Variants in MICAL3 observed in about 807,000 individuals in gnomAD.
The protein encoded by MICAL3 is [F-actin]-monooxygenase MICAL3.
A neutral mutation model predicts 207.4 loss-of-function variants in MICAL3; 62 were observed. The observed-to-expected ratio is 0.30, with a 90% CI of 0.24 to 0.37. The LOEUF (loss-of-function observed/expected upper bound fraction) is 0.37, where lower values mean the gene tolerates loss of function less well. Among genes scored for constraint, MICAL3 ranks in the 10% least tolerant of loss-of-function variants. MICAL3 has a pLI of 1.00. For synonymous variants in MICAL3, 1,077 were observed against 1,069.3 expected (o/e 1.01, Z -0.14); for missense variants, 2,368 against 2,635.6 (o/e 0.90, Z 2.22).
intron 1 of MICAL3, among the ~76,000 whole-genome samples, chr22:17,944,108 G>C (rs1325514732): frequency 6.6e-6 from 1 of 150,720 alleles, no homozygotes; most frequent in African/African-American, 2.5e-5. Context: ...TGGTACCTGA[G>C]TGCATGTGTG....
Position 17,984,867 on chromosome 22 carries a change from G to A in MICAL3, c.-75+39414C>T, listed in dbSNP as rs534925810. ...TTAAATAATCCACCCAAAGCCACAC[G>A]AGTAGCAAGTGGTGAAGCCACAACT... On this transcript the variant is annotated intron_variant, in intron 1 of 31. Coordinates refer to ENST00000441493, the MANE Select transcript of MICAL3 (RefSeq NM_015241.3). 3.3e-5 allele frequency among the ~76,000 whole-genome samples: 5 copies of A among 152,280 alleles called. No individual in the cohort carries two copies. The East Asian group carries it at 7.7e-4, about 24-fold the overall frequency.
At chr22:17,885,489 A>G (rs1929788007) in intron 16 of MICAL3, among the ~76,000 whole-genome samples, 1 of 152,240 alleles carries the variant, frequency 6.6e-6, no homozygotes, top group Non-Finnish European at 1.5e-5. Flanking sequence ...AGGGCAGGAA[A>G]ATATTAATTA....
chr22:17,905,200 C>A (rs1166467952), intron 2 of MICAL3, among the ~76,000 whole-genome samples: 1 of 152,180 alleles, frequency 6.6e-6, no homozygotes, highest in Non-Finnish European at 1.5e-5. Flanking sequence ...AGGACCATTT[C>A]GAAGGTTTCT....
chr22:17,998,896 G>T (rs1922618863), intron 1 of MICAL3, among the ~76,000 whole-genome samples: 1 of 152,158 alleles, frequency 6.6e-6, no homozygotes, highest in Admixed American at 6.5e-5. Context: ...TAATATTATG[G>T]AACATAAATA....
At chr22:17,856,777 G>A (rs909531050) in intron 19 of MICAL3, among the ~76,000 whole-genome samples, 6 of 151,658 alleles carry the variant, frequency 4.0e-5, no homozygotes, top group East Asian at 1.9e-4. Context: ...GCCCGCCACC[G>A]CGCCCAGCTA....
rs777722691 is a variant in MICAL3, at chr22:17,791,301, C to A, written c.5651G>T (p.Gly1884Val). The A allele has an allele frequency of 6.2e-7, 1 of 1,612,702 alleles. No homozygotes were observed. The highest frequency in any genetic ancestry group is 2.2e-5 in the East Asian group (1 of 44,814). The change falls in exon 30 of 32, where the codon GGC becomes GTC. Residue 1884 changes from glycine to valine, a missense_variant and splice_region_variant. Coordinates refer to ENST00000441493, the MANE Select transcript of MICAL3 (RefSeq NM_015241.3). ...AVEKALRGEA[G>V]MGKKDDPKLM... is the part of the protein sequence containing the mutation. ...CTTGGGGTCGTCCTTCTTGCCCATG[C>A]CTGCCGAGAGAACGCTTGTGTCGGG...
intron 20 of MICAL3, chr22:17,834,511 T>C: frequency 8.1e-7 from 1 of 1,229,080 alleles, no homozygotes; most frequent in Non-Finnish European, 1.0e-6. Context: ...AGCCCAGGAG[T>C]TTGAGACCAT....
intron 3 of MICAL3, among the ~76,000 whole-genome samples, chr22:17,904,337 T>A (rs1178660313): frequency 6.6e-6 from 1 of 152,192 alleles, no homozygotes; most frequent in Non-Finnish European, 1.5e-5. Context: ...CCAGTGCCCA[T>A]CCCACAAACT....
chr22:17,822,089 T>C lies in MICAL3; in HGVS notation c.3389A>G (p.Glu1130Gly). The part of the protein sequence containing the change: ...PCPAEGEAEL[E>G]LRVSEDEEKL... ...CTCCTCATCTTCCGACACCCTCAGC[T>C]CCAGCTCTGCTTCCCCCTCAGCTGG... The change falls in exon 24 of 32, where the codon GAG becomes GGG. Residue 1130 changes from glutamate (E) to glycine (G), a missense_variant. Coordinates refer to ENST00000441493, the MANE Select transcript of MICAL3 (RefSeq NM_015241.3). 6.2e-7 allele frequency: 1 copy of C among 1,613,932 alleles called. No individual in the cohort carries two copies.
chr22:17,844,991 C>A (rs1176667749), intron 19 of MICAL3, among the ~76,000 whole-genome samples: 1 of 152,134 alleles, frequency 6.6e-6, no homozygotes, highest in African/African-American at 2.4e-5. Flanking sequence ...AAATCCATGG[C>A]GGCCACCCCA....
chr22:17,790,732 T>A lies in MICAL3; in HGVS notation c.6009A>T (p.Ter2003CysextTer27). 1 of 1,593,776 alleles carries A rather than the reference T, an allele frequency of 6.3e-7. No individual in the cohort carries two copies. Among genetic ancestry groups the A allele is most frequent in the Non-Finnish European group, 8.5e-7 (1 of 1,169,990 alleles). ...LSKGFSLNWS* is the reference protein window; with the variant it reads ...LSKGFSLNWSC ...AGAAAATGGAGCGTTGGGTGGGAGC[T>A]CAGGACCAGTTAAGGCTGAAGCCCT... Residue 2003 changes from the stop codon to cysteine (C), a stop_lost, in exon 32 of 32, where the codon TGA becomes TGT. Coordinates refer to ENST00000441493, the MANE Select transcript of MICAL3 (RefSeq NM_015241.3).
At chr22:17,881,848 C>G (rs1031282790) in intron 16 of MICAL3, among the ~76,000 whole-genome samples, 2 of 152,342 alleles carry the variant, frequency 1.3e-5, no homozygotes, top group African/African-American at 4.8e-5. Context: ...TTAAATGTGT[C>G]TCACTAACAT....
In MICAL3 at chr22:17,862,521, A is replaced by G. The variant is rs185162908; in HGVS notation, c.2605+2378T>C. On this transcript the variant is annotated intron_variant, in intron 19 of 31. Transcript: ENST00000441493. Reference sequence around the variant, plus strand: ...GTGATCTGCCCGCCTCGGCCTCCCAAAGTGCTGGGATTACAGGCATGAGCC... The same window carrying G: ...GTGATCTGCCCGCCTCGGCCTCCCAGAGTGCTGGGATTACAGGCATGAGCC... 864 of 925,836 alleles carry G rather than the reference A, an allele frequency of 9.3e-4. 6 individuals carry two copies. The African/African-American group carries it at 0.014, about 15-fold the overall frequency. The allele number at this position is 925,836 out of a possible 1,614,324, so 57.4% of individuals were successfully genotyped here. A position where few individuals can be genotyped will look rare whatever the true frequency, so the allele number is the denominator to read the frequency against.
chr22:17,875,798 G>A (rs781273534), intron 16 of MICAL3, among the ~76,000 whole-genome samples: 2 of 151,996 alleles, frequency 1.3e-5, no homozygotes, highest in African/African-American at 2.4e-5. Context: ...CCTGGAACGC[G>A]GTCCCGCAGC....
At chr22:17,946,668 A>T (rs1259134575) in intron 1 of MICAL3, among the ~76,000 whole-genome samples, 1 of 152,212 alleles carries the variant, frequency 6.6e-6, no homozygotes, top group Non-Finnish European at 1.5e-5. Context: ...GTGATTGGGG[A>T]AAGTTCCTCT....
intron 8 of MICAL3, 63 bp downstream of exon 8, chr22:17,896,661 G>T: frequency 6.5e-7 from 1 of 1,532,044 alleles, no homozygotes. Flanking sequence ...GACCCAGGAT[G>T]CCCAGATTCA....
At chr22:18,003,345 A>G (rs1196590569) in intron 1 of MICAL3, among the ~76,000 whole-genome samples, 1 of 151,918 alleles carries the variant, frequency 6.6e-6, no homozygotes, top group Non-Finnish European at 1.5e-5. Flanking sequence ...CATAATTTCT[A>G]CTTCTCCAGG....
intron 1 of MICAL3, among the ~76,000 whole-genome samples, chr22:17,982,442 G>A (rs13055106): frequency 0.22 from 33,745 of 152,214 alleles, 3,955 homozygotes; most frequent in Middle Eastern, 0.3. Flanking sequence ...TTTGGGAGAG[G>A]TGGGTGGATC....
intron 29 of MICAL3, among the ~76,000 whole-genome samples, chr22:17,798,520 C>T (rs973252151): frequency 4.6e-5 from 7 of 152,200 alleles, no homozygotes; most frequent in African/African-American, 1.7e-4. Flanking sequence ...TCTGGGCAGC[C>T]ACGTGCAGCC....
Sources: gnomAD v4.1 joint callset for allele counts (sites outside exome capture counted in the v4.1 genomes callset) on GRCh38, gnomAD v4.1.1 for gene constraint, MANE v1.5 for transcripts, NCBI Gene and HGNC (gene_info 2026-07-23, HGNC 2026-07-21) for gene names.